The following TIAM1 variants were observed in gnomAD, a reference collection of about 807,000 sequenced individuals.
The protein encoded by TIAM1 is rho guanine nucleotide exchange factor TIAM1.
Under a neutral mutation model 163.5 loss-of-function variants are expected in TIAM1, and 65 were observed. The observed-to-expected ratio is 0.40, with a 90% confidence interval of 0.33 to 0.49. TIAM1 has a LOEUF of 0.49. Among genes scored for constraint, TIAM1 ranks in the 20% least tolerant of loss-of-function variants. The pLI, the probability that TIAM1 is intolerant of heterozygous loss-of-function variation, is 0.77. For missense variants in TIAM1, 1,789 were observed against 2,044.7 expected, an observed-to-expected ratio of 0.87 and a Z score of 2.41; for synonymous variants, 833 against 810.1, an observed-to-expected ratio of 1.03 and a Z score of -0.48.
intron 17 of TIAM1, among the ~76,000 whole-genome samples, chr21:31,153,950 GC>G (rs1388250876): frequency 2.6e-5 from 4 of 152,106 alleles, no homozygotes; most frequent in African/African-American, 9.7e-5. Flanking sequence ...TGTGGTCCCA[GC>G]TACTCAGGAG....
In TIAM1 at chr21:31,222,469, G is replaced by C. The variant is rs1192017403; in HGVS notation, c.1995+937C>G. Among the ~76,000 whole-genome samples the C allele has an allele frequency of 2.0e-5, 3 of 151,956 alleles. No homozygotes were observed. In the East Asian group the frequency reaches 5.8e-4, roughly 29 times the overall value. On this transcript the variant is annotated intron_variant, in intron 8 of 27. Transcript: ENST00000541036. ...ATACAATCTGCCGCTCTAGAGGTCA[G>C]ATGGAAATTCCCTTCCTCAAGCAAT...
At chr21:31,516,101 C>T (rs1238120298) in intron 1 of TIAM1, among the ~76,000 whole-genome samples, 1 of 136,282 alleles carries the variant, frequency 7.3e-6, no homozygotes, top group African/African-American at 2.9e-5. Flanking sequence ...CAGCGAGACT[C>T]CATCTCAAAA....
chr21:31,396,879 G>T (rs2077081666), intron 2 of TIAM1, among the ~76,000 whole-genome samples: 1 of 152,004 alleles, frequency 6.6e-6, no homozygotes, highest in South Asian at 2.1e-4. Context: ...TGAACCTGGG[G>T]TGGAGGTTGC....
intron 1 of TIAM1, among the ~76,000 whole-genome samples, chr21:31,476,015 A>G (rs2045925841): frequency 6.6e-6 from 1 of 152,246 alleles, no homozygotes; most frequent in African/African-American, 2.4e-5. Context: ...TAGACAAATG[A>G]TAAAACATCA....
chr21:31,196,566 C>T (rs552184995), intron 12 of TIAM1, among the ~76,000 whole-genome samples: 31 of 150,898 alleles, frequency 2.1e-4, no homozygotes, highest in South Asian at 1.0e-3. Context: ...ATGATCCGCC[C>T]ACCTCAGCCT....
intron 1 of TIAM1, among the ~76,000 whole-genome samples, chr21:31,516,684 A>AAG (rs1569404743): frequency 6.6e-6 from 1 of 151,556 alleles, no homozygotes; most frequent in African/African-American, 2.4e-5. Flanking sequence ...AAAAAAAAAA[A>AAG]AGAAGGAGAA....
At chr21:31,392,570 CAAA>C (rs61454127) in intron 2 of TIAM1, among the ~76,000 whole-genome samples, 6 of 84,868 alleles carry the variant, frequency 7.1e-5, no homozygotes, top group South Asian at 3.9e-4. Context: ...AACTCTGTCT[CAAA>C]AAAAAAAAAA....
intron 6 of TIAM1, among the ~76,000 whole-genome samples, chr21:31,240,690 C>T (rs796652330): frequency 2.0e-5 from 3 of 152,318 alleles, no homozygotes; most frequent in African/African-American, 7.2e-5. Context: ...CCAGGGGGTG[C>T]TTGTGAAAAA....
At chr21:31,430,480 TG>T (rs750639034) in intron 2 of TIAM1, among the ~76,000 whole-genome samples, 30 of 151,684 alleles carry the variant, frequency 2.0e-4, no homozygotes, top group Non-Finnish European at 3.8e-4. Flanking sequence ...TACCACTAAA[TG>T]GGAAAAACAT....
intron 1 of TIAM1, chr21:31,558,796 G>A (rs984815778): frequency 6.6e-6 from 1 of 152,164 alleles, no homozygotes; most frequent in Non-Finnish European, 1.5e-5. Flanking sequence ...GACCCGCCGG[G>A]AGCCCCAGTG....
At chr21:31,458,358 T>C (rs2045191895) in intron 2 of TIAM1, among the ~76,000 whole-genome samples, 1 of 151,528 alleles carries the variant, frequency 6.6e-6, no homozygotes, top group Non-Finnish European at 1.5e-5. Flanking sequence ...AGACGGAGGT[T>C]GCAGTGAGCC....
chr21:31,422,191 A>G lies in TIAM1; in HGVS notation c.-369+41792T>C, dbSNP rs138882548. On this transcript the variant is annotated intron_variant, in intron 2 of 28. Transcript: ENST00000286827. ...CAGCCCTAGAAAACTAATACAACCT[A>G]CATACAAAAGTCTCAAAGTAAAGAC... Among the ~76,000 whole-genome samples, 101 of 152,310 alleles carry G rather than the reference A, an allele frequency of 6.6e-4. No individual in the cohort carries two copies. In the Middle Eastern group the frequency reaches 0.01, roughly 15 times the overall value.
At position 31,471,468 on chromosome 21, in the gene TIAM1, C is replaced by A. The variant is rs368780744; in HGVS notation, c.-421-7433G>T. ...GTGTGTTGGGATTAGTATCAGAGCT[C>A]TTCTCTGTTTTCTTCCCTGCAGGGG... On this transcript the variant is annotated intron_variant, in intron 1 of 28. Transcript: ENST00000286827. Among the ~76,000 whole-genome samples, 217 of 152,142 alleles carry A rather than the reference C, an allele frequency of 1.4e-3. 1 individual carries two copies. Among genetic ancestry groups the A allele is most frequent in the African/African-American group, 5.0e-3 (209 of 41,514 alleles).
intron 8 of TIAM1, among the ~76,000 whole-genome samples, chr21:31,222,106 C>T (rs529304312): frequency 1.3e-5 from 2 of 152,160 alleles, no homozygotes; most frequent in African/African-American, 4.8e-5. Flanking sequence ...GTAAATCTAC[C>T]CCTAATTATC....
intron 4 of TIAM1, among the ~76,000 whole-genome samples, chr21:31,256,449 C>T (rs1345440300): frequency 6.6e-6 from 1 of 152,090 alleles, no homozygotes; most frequent in Non-Finnish European, 1.5e-5. Context: ...ATGCAGAATT[C>T]ACTGAATTCC....
At chr21:31,226,930 T>C (rs2088012849) in intron 6 of TIAM1, among the ~76,000 whole-genome samples, 1 of 151,356 alleles carries the variant, frequency 6.6e-6, no homozygotes, top group South Asian at 2.1e-4. Context: ...ATTTGAGTGA[T>C]GGCTTGTATA....
chr21:31,399,537 GC>G (rs1222785434), intron 2 of TIAM1, among the ~76,000 whole-genome samples: 1 of 152,130 alleles, frequency 6.6e-6, no homozygotes, highest in Non-Finnish European at 1.5e-5. Context: ...ATCTAAAAGA[GC>G]TTGCCCCAAA....
At chr21:31,247,775 T>C (rs2071586168) in intron 5 of TIAM1, among the ~76,000 whole-genome samples, 1 of 152,312 alleles carries the variant, frequency 6.6e-6, no homozygotes, top group Middle Eastern at 3.4e-3. Flanking sequence ...CCCAACTCTA[T>C]TTTTCTCAAA....
intron 15 of TIAM1, among the ~76,000 whole-genome samples, chr21:31,180,805 C>T (rs1420284910): frequency 1.3e-5 from 2 of 152,228 alleles, no homozygotes; most frequent in African/African-American, 4.8e-5. Flanking sequence ...TCACTGGAGC[C>T]ACTTTTCAAA....
Sources: allele counts gnomAD v4.1 joint callset (sites outside exome capture counted in the v4.1 genomes callset), GRCh38; gene constraint gnomAD v4.1.1; transcripts MANE v1.5; gene names NCBI Gene and HGNC (gene_info 2026-07-23, HGNC 2026-07-21).